SEC23B: variants seen among roughly 807,000 people sequenced by gnomAD.
SEC23B encodes the protein SEC23 homolog B, COPII component, also known as protein transport protein Sec23B.
A neutral mutation model predicts 104.3 loss-of-function variants in SEC23B; 77 were observed. That is an observed-to-expected ratio of 0.74 (90% CI 0.61 to 0.89). The LOEUF (loss-of-function observed/expected upper bound fraction) is 0.89. SEC23B is among the 40% of genes least tolerant of loss of function. The pLI, the probability that SEC23B is intolerant of heterozygous loss-of-function variation, is 0.00. For synonymous variants in SEC23B, 338 were observed against 332.5 expected (o/e 1.02, Z -0.18); for missense variants, 885 against 949.4 (o/e 0.93, Z 0.89).
chr20:18,513,639 G>A (rs1175154795), intron 3 of SEC23B, among the ~76,000 whole-genome samples: 2 of 152,212 alleles, frequency 1.3e-5, no homozygotes, highest in Admixed American at 1.3e-4. Context: ...GAAGAGGACA[G>A]TGTACAATTG....
At chr20:18,527,339 C>G (rs1049992887) in intron 8 of SEC23B, among the ~76,000 whole-genome samples, 157 bp from the exon 9 acceptor site, 1 of 152,160 alleles carries the variant, frequency 6.6e-6, no homozygotes, top group African/African-American at 2.4e-5. Context: ...GATCGCACCA[C>G]TGCACTCTAG....
In SEC23B at chr20:18,540,675, G is replaced by T. The variant is rs118052390; in HGVS notation, c.1405-1621G>T. Among the ~76,000 whole-genome samples the T allele has an allele frequency of 4.1e-4, 62 of 152,278 alleles. 1 individual carries two copies. The East Asian group carries it at 0.01, about 26-fold the overall frequency. ...GCTCAAGACCAGCCTGGGCAATGCTGTGAGGCCTCATCTCTACCAAAAATA... is the reference window on the plus strand; with the variant it reads ...GCTCAAGACCAGCCTGGGCAATGCTTTGAGGCCTCATCTCTACCAAAAATA... On this transcript the variant is annotated intron_variant, in intron 12 of 19. Coordinates refer to ENST00000650089, the MANE Select transcript of SEC23B (RefSeq NM_006363.6).
At chr20:18,557,996 C>T (rs901639657) in intron 19 of SEC23B, among the ~76,000 whole-genome samples, 2 of 152,072 alleles carry the variant, frequency 1.3e-5, no homozygotes, top group African/African-American at 4.8e-5. Context: ...GGTGATCCGC[C>T]CGCCTCAGCC....
intron 4 of SEC23B, among the ~76,000 whole-genome samples, chr20:18,523,954 A>C (rs939778018): frequency 1.3e-5 from 2 of 152,108 alleles, no homozygotes; most frequent in Non-Finnish European, 2.9e-5. Flanking sequence ...GTGCTTAAGC[A>C]ATCCTCCCAT....
intron 4 of SEC23B, among the ~76,000 whole-genome samples, chr20:18,519,426 GT>G (rs2060062830): frequency 6.6e-6 from 1 of 152,228 alleles, no homozygotes; most frequent in Admixed American, 6.5e-5. Flanking sequence ...GTTGAGCATA[GT>G]TTGTGATTTT....
At position 18,512,235 on chromosome 20, in the gene SEC23B, T is replaced by C. The variant is rs1600225581; in HGVS notation, c.232T>C (p.Tyr78His). ...TTATCTTTCTCACAGTCAGGTTGAT[T>C]ATCGAGCAAAACTTTGGGCCTGTAA... ...AVLNPLCQVD[Y>H]RAKLWACNFC... Residue 78 changes from tyrosine to histidine, a missense_variant, in exon 3 of 20, where the codon TAT (tyrosine) becomes CAT (histidine). Physicochemically the swap from Tyr to His is moderately conservative, Grantham distance 83. Transcript: ENST00000650089. 2 of 1,591,160 alleles carry C rather than the reference T, an allele frequency of 1.3e-6. No homozygotes were observed. Among genetic ancestry groups the C allele is most frequent in the East Asian group, 4.5e-5 (2 of 44,566 alleles).
chr20:18,526,704 T>C (rs1429667840), intron 8 of SEC23B, among the ~76,000 whole-genome samples, 173 bp downstream of exon 8: 2 of 152,186 alleles, frequency 1.3e-5, no homozygotes, highest in African/African-American at 4.8e-5. Context: ...TTTCAGACCT[T>C]AATTAGAGTG....
At chr20:18,559,423 A>G (rs2060472446) in intron 19 of SEC23B, among the ~76,000 whole-genome samples, 1 of 152,012 alleles carries the variant, frequency 6.6e-6, no homozygotes, top group Non-Finnish European at 1.5e-5. Context: ...TTACTTGGCC[A>G]TTGGGGATGA....
At chr20:18,535,355 A>T (rs1269990093) in intron 11 of SEC23B, among the ~76,000 whole-genome samples, 4 of 152,180 alleles carry the variant, frequency 2.6e-5, no homozygotes, top group Non-Finnish European at 5.9e-5. Context: ...AGCCTGGGCA[A>T]CAGAGTGAGA....
chr20:18,534,240 C>T (rs2060209179), intron 11 of SEC23B, among the ~76,000 whole-genome samples: 3 of 152,254 alleles, frequency 2.0e-5, no homozygotes, highest in East Asian at 1.9e-4. Context: ...CTAAAAATAA[C>T]GATGTTCTCC....
At chr20:18,555,562 C>A (rs147504488) in intron 19 of SEC23B, among the ~76,000 whole-genome samples, 1 of 152,232 alleles carries the variant, frequency 6.6e-6, no homozygotes, top group East Asian at 1.9e-4. Flanking sequence ...AATTCCTTCC[C>A]TTTTCTTCCC....
intron 12 of SEC23B, among the ~76,000 whole-genome samples, chr20:18,537,248 C>A (rs542513621): frequency 6.6e-6 from 1 of 151,474 alleles, no homozygotes; most frequent in South Asian, 2.1e-4. Flanking sequence ...GGGTATATAC[C>A]CAAAGGACTA....
At chr20:18,537,622 A>G (rs1301328457) in intron 12 of SEC23B, among the ~76,000 whole-genome samples, 1 of 152,180 alleles carries the variant, frequency 6.6e-6, no homozygotes, top group African/African-American at 2.4e-5. Flanking sequence ...ACATTAGGAG[A>G]TATAACTAAT....
Position 18,554,963 on chromosome 20 carries a change from AAAAC to A in SEC23B, c.2149-142_2149-139del. On this transcript the variant is annotated intron_variant, in intron 18 of 19. Transcript: ENST00000650089. ...CTAAAGAAATAGATTACTGTGCAGT[AAAAC>A]AATTCTAATTAGATTACTGTGCAGT... The A allele has an allele frequency of 2.6e-4, 19 of 72,488 alleles. 6 individuals are homozygous for A. Among genetic ancestry groups the A allele is most frequent in the Non-Finnish European group, 6.5e-4 (16 of 24,620 alleles). 4.5% of individuals were successfully genotyped at this position (72,488 alleles called of 1,614,324 possible). A position where few individuals can be genotyped will look rare whatever the true frequency, so the allele number is the denominator to read the frequency against.
chr20:18,559,188 A>C (rs1389758356), intron 19 of SEC23B, among the ~76,000 whole-genome samples: 1 of 151,170 alleles, frequency 6.6e-6, no homozygotes, highest in African/African-American at 2.4e-5. Context: ...ATTTCTTGTT[A>C]CTGCTTAGTG....
chr20:18,556,470 T>A (rs1046684919), intron 19 of SEC23B, among the ~76,000 whole-genome samples: 1 of 152,224 alleles, frequency 6.6e-6, no homozygotes, highest in African/African-American at 2.4e-5. Context: ...CCTGAGTCGC[T>A]TACTACTCTT....
chr20:18,539,888 G>A (rs28892956), intron 12 of SEC23B, among the ~76,000 whole-genome samples: 55,166 of 151,144 alleles, frequency 0.36, 10,665 homozygotes, highest in South Asian at 0.47. Flanking sequence ...CAGGTGATCC[G>A]CCTGCCTTGG....
chr20:18,512,579 T>C (rs1392427116), intron 3 of SEC23B, among the ~76,000 whole-genome samples: 9 of 152,216 alleles, frequency 5.9e-5, no homozygotes, highest in Admixed American at 5.9e-4. Flanking sequence ...CACCTGTTTT[T>C]CATATTTCTC....
intron 11 of SEC23B, among the ~76,000 whole-genome samples, chr20:18,534,624 G>C (rs2060212100): frequency 6.6e-6 from 1 of 152,238 alleles, no homozygotes; most frequent in African/African-American, 2.4e-5. Context: ...TCTTTTGAAT[G>C]AGAGTGTGTA....
Sources: gnomAD v4.1 joint callset for allele counts (sites outside exome capture counted in the v4.1 genomes callset) on GRCh38, gnomAD v4.1.1 for gene constraint, MANE v1.5 for transcripts, NCBI Gene and HGNC (gene_info 2026-07-23, HGNC 2026-07-21) for gene names.